LPGAT1: variants seen among roughly 807,000 people sequenced by gnomAD.
LPGAT1 encodes the protein acyl-CoA:lysophosphatidylglycerol acyltransferase 1.
Under a neutral mutation model 47.5 loss-of-function variants are expected in LPGAT1, and 11 were observed. The observed-to-expected ratio is 0.23, with a 90% CI of 0.15 to 0.38. LPGAT1 has a LOEUF of 0.38. LPGAT1 is among the 10% of genes least tolerant of loss of function. The pLI, the probability that LPGAT1 is intolerant of heterozygous loss-of-function variation, is 1.00. For synonymous variants in LPGAT1, 138 were observed against 144.2 expected (o/e 0.96, Z 0.31); for missense variants, 293 against 439.0 (o/e 0.67, Z 2.97).
intron 2 of LPGAT1, among the ~76,000 whole-genome samples, chr1:211,808,401 C>T (rs955172487): frequency 3.3e-5 from 5 of 150,298 alleles, no homozygotes; most frequent in Non-Finnish European, 7.4e-5. Flanking sequence ...AACAAACTAC[C>T]CAATTAAAAA....
chr1:211,820,397 T>C (rs966802199), intron 2 of LPGAT1, among the ~76,000 whole-genome samples: 2 of 152,066 alleles, frequency 1.3e-5, no homozygotes, highest in Non-Finnish European at 2.9e-5. Context: ...ACAAAAATTA[T>C]AACTGAATAA....
chr1:211,812,988 C>T (rs548143677), intron 2 of LPGAT1, among the ~76,000 whole-genome samples: 3 of 152,292 alleles, frequency 2.0e-5, no homozygotes, highest in Non-Finnish European at 4.4e-5. Flanking sequence ...GTGCACCCTT[C>T]TAGAGGGAGG....
At chr1:211,785,239 TAGTC>T (rs1358997466) in intron 4 of LPGAT1, among the ~76,000 whole-genome samples, 4 of 152,328 alleles carry the variant, frequency 2.6e-5, no homozygotes, top group South Asian at 4.1e-4. Context: ...GACATTTTGT[TAGTC>T]AGTTTGCTGA....
chr1:211,822,485 A>G lies in LPGAT1; in HGVS notation c.238+6574T>C, dbSNP rs190265281. Among the ~76,000 whole-genome samples the G allele has an allele frequency of 5.1e-4, 77 of 152,252 alleles. No individual in the cohort carries two copies. The East Asian group carries it at 0.011, about 21-fold the overall frequency. ...ACTCTTCTCCTGGATTTACGTCAAG[A>G]TCAGTCGTCGGCCAGGCGCAGTGAC... On this transcript the variant is annotated intron_variant, in intron 2 of 7. Coordinates refer to ENST00000366997, the MANE Select transcript of LPGAT1 (RefSeq NM_014873.3).
intron 2 of LPGAT1, among the ~76,000 whole-genome samples, chr1:211,806,050 A>T (rs1214141042): frequency 9.2e-5 from 14 of 152,168 alleles, no homozygotes; most frequent in Non-Finnish European, 2.9e-5. Flanking sequence ...ACTTGAGGTC[A>T]TAAGTTCGAG....
At chr1:211,788,234 G>A (rs968861703) in intron 3 of LPGAT1, among the ~76,000 whole-genome samples, 1 of 152,134 alleles carries the variant, frequency 6.6e-6, no homozygotes, top group Admixed American at 6.5e-5. Context: ...ATTCTATTAT[G>A]AAGAATATTT....
intron 6 of LPGAT1, among the ~76,000 whole-genome samples, chr1:211,761,907 TCCA>T (rs945589787): frequency 6.6e-5 from 10 of 152,204 alleles, no homozygotes; most frequent in African/African-American, 2.4e-4. Flanking sequence ...CTAAATTCTA[TCCA>T]CCATCTTCTA....
chr1:211,807,407 AT>A (rs1659801471), intron 2 of LPGAT1, among the ~76,000 whole-genome samples: 1 of 152,204 alleles, frequency 6.6e-6, no homozygotes, highest in African/African-American at 2.4e-5. Context: ...ACATAAGTGA[AT>A]TTTAAAATGT....
Position 211,793,200 on chromosome 1 carries a change from C to CA in LPGAT1, c.239-11dup. 1.3e-6 allele frequency: 2 copies of CA among 1,568,634 alleles called. No individual in the cohort carries two copies. Among genetic ancestry groups the CA allele is most frequent in the South Asian group, 1.1e-5 (1 of 87,512 alleles). ...TCTCCCCATTCCATCACTGTAAGAA[C>CA]AAAAAAGTTTCAAAGCTGTCATTTT... is the stretch of plus-strand genomic sequence containing the variant. On this transcript the variant is annotated splice_polypyrimidine_tract_variant and intron_variant, in intron 2 of 7. Transcript: ENST00000366997.
rs755904054 is a variant in LPGAT1 at position 211,750,040 on chromosome 1, T to C, written c.972A>G (p.Pro324=). 2.3e-5 allele frequency: 37 copies of C among 1,612,118 alleles called. No homozygotes were observed. The highest frequency in any genetic ancestry group is 2.2e-4 in the East Asian group (10 of 44,864). The change falls in exon 8 of 8, where the codon CCA becomes CCG. Residue 324 remains proline (P), a synonymous_variant. Coordinates refer to ENST00000366997, the MANE Select transcript of LPGAT1 (RefSeq NM_014873.3). Reference sequence around the variant, plus strand: ...CAGCTTCCTTATGGCCCTTGGAAGGTGGAAAAGCTCCTAAAAGACAAGATA... The same window carrying C: ...CAGCTTCCTTATGGCCCTTGGAAGGCGGAAAAGCTCCTAAAAGACAAGATA... ...LSHFYETGAF[P]PSKGHKEAVS...
At chr1:211,781,748 T>C (rs1351037359) in intron 5 of LPGAT1, among the ~76,000 whole-genome samples, 1 of 152,218 alleles carries the variant, frequency 6.6e-6, no homozygotes, top group Non-Finnish European at 1.5e-5. Context: ...GAAACAGGCC[T>C]AGTGAATGCC....
At chr1:211,781,685 CTTATT>C (rs889380995) in intron 5 of LPGAT1, among the ~76,000 whole-genome samples, 6 of 152,160 alleles carry the variant, frequency 3.9e-5, no homozygotes, top group South Asian at 2.1e-4. Context: ...CATTTCAATT[CTTATT>C]TTATTTTATT....
intron 2 of LPGAT1, chr1:211,793,421 A>G (rs949243325): frequency 1.9e-5 from 3 of 155,402 alleles, no homozygotes; most frequent in African/African-American, 7.3e-5. Context: ...TTATTTATTT[A>G]TTTATTTATT....
chr1:211,801,199 T>C (rs975329269), intron 2 of LPGAT1, among the ~76,000 whole-genome samples: 9 of 152,168 alleles, frequency 5.9e-5, no homozygotes, highest in Non-Finnish European at 5.9e-5. Flanking sequence ...CATGCAAAAG[T>C]TACCCTCCTG....
chr1:211,774,859 C>T (rs367736621), intron 6 of LPGAT1, among the ~76,000 whole-genome samples: 9 of 152,246 alleles, frequency 5.9e-5, no homozygotes, highest in African/African-American at 2.2e-4. Flanking sequence ...TAAGTTATTA[C>T]ATTCTTTTGC....
intron 2 of LPGAT1, among the ~76,000 whole-genome samples, chr1:211,794,080 C>T (rs980238073): frequency 2.0e-5 from 3 of 152,068 alleles, no homozygotes; most frequent in Non-Finnish European, 2.9e-5. Context: ...CTGTTAATAC[C>T]GATCATCAAT....
chr1:211,780,357 A>G (rs1185206018), intron 5 of LPGAT1, among the ~76,000 whole-genome samples: 1 of 152,206 alleles, frequency 6.6e-6, no homozygotes, highest in African/African-American at 2.4e-5. Flanking sequence ...TCCTTTGCAC[A>G]CTGTTTTTAT....
In LPGAT1 at chr1:211,830,602, T is replaced by C; in HGVS notation, c.-57A>G. ...GGCTGGCCGGGCCCCAGCCGGGGCT[T>C]TGGGAGTCAGAGGAGCCGGAAGAAT... is the stretch of plus-strand genomic sequence containing the variant. On this transcript the variant is annotated 5_prime_UTR_variant, in exon 1 of 8. Coordinates refer to ENST00000366997, the MANE Select transcript of LPGAT1 (RefSeq NM_014873.3). The surrounding 1 kb of genome is among the most constrained non-coding windows in gnomAD (Gnocchi z 5.9). 8.7e-7 allele frequency: 1 copy of C among 1,150,692 alleles called. No homozygotes were observed. The highest frequency in any genetic ancestry group is 1.1e-6 in the Non-Finnish European group (1 of 939,040). 71.3% of individuals were successfully genotyped at this position (1,150,692 alleles called of 1,614,324 possible).
At chr1:211,789,431 T>G (rs556029548) in intron 3 of LPGAT1, among the ~76,000 whole-genome samples, 19 of 152,328 alleles carry the variant, frequency 1.2e-4, no homozygotes, top group African/African-American at 4.6e-4. Flanking sequence ...TTCCTGAGAT[T>G]TGTAAGGACA....
Sources: gnomAD v4.1 joint callset for allele counts (sites outside exome capture counted in the v4.1 genomes callset) on GRCh38, gnomAD v4.1.1 for gene constraint, Gnocchi (gnomAD v3.1) non-coding constraint, MANE v1.5 for transcripts, NCBI Gene and HGNC (gene_info 2026-07-23, HGNC 2026-07-21) for gene names.